Variants in ERC2 observed in about 807,000 individuals in gnomAD.
The protein encoded by ERC2 is ERC protein 2.
Under a neutral mutation model 114.8 loss-of-function variants are expected in ERC2, and 42 were observed. The observed-to-expected ratio is 0.37, with a 90% CI of 0.29 to 0.47. The LOEUF is 0.47. ERC2 is among the 20% of genes least tolerant of loss of function. ERC2 has a pLI of 0.99. For synonymous variants in ERC2, 454 were observed against 425.5 expected (o/e 1.07, Z -0.82); for missense variants, 939 against 1,150.7 (o/e 0.82, Z 2.66).
At chr3:55,901,390 T>C (rs1437392320) in intron 13 of ERC2, among the ~76,000 whole-genome samples, 1 of 152,170 alleles carries the variant, frequency 6.6e-6, no homozygotes, top group African/African-American at 2.4e-5. Flanking sequence ...TGCTTTCTCA[T>C]CTGGAGCAGC....
In ERC2 at chr3:56,259,027, G is replaced by A. The variant is rs142492138; in HGVS notation, c.1074+36992C>T. On this transcript the variant is annotated intron_variant, in intron 3 of 17. Transcript: ENST00000288221. Reference sequence around the variant, plus strand: ...TTGCTCTTGTTGCCCAGGCTGGAGTGCAATGGCATGATCTCGGCTCACAGC... The same window carrying A: ...TTGCTCTTGTTGCCCAGGCTGGAGTACAATGGCATGATCTCGGCTCACAGC... 3.4e-3 allele frequency among the ~76,000 whole-genome samples: 515 copies of A among 149,508 alleles called. 2 individuals are homozygous for A. The highest frequency in any genetic ancestry group is 0.011 in the African/African-American group (462 of 40,582).
intron 16 of ERC2, among the ~76,000 whole-genome samples, chr3:55,686,554 G>A (rs966377501): frequency 2.0e-5 from 3 of 152,152 alleles, no homozygotes; most frequent in Non-Finnish European, 4.4e-5. Context: ...TCACTGCTGC[G>A]CTGCCTGCAT....
At chr3:56,241,824 G>A (rs929787697) in intron 3 of ERC2, among the ~76,000 whole-genome samples, 2 of 152,164 alleles carry the variant, frequency 1.3e-5, no homozygotes, top group Non-Finnish European at 2.9e-5. Context: ...ACATGCTAGA[G>A]CAGGGGTCAA....
chr3:55,994,394 G>A (rs902345347), intron 10 of ERC2, among the ~76,000 whole-genome samples: 1 of 151,908 alleles, frequency 6.6e-6, no homozygotes, highest in Non-Finnish European at 1.5e-5. Flanking sequence ...TTTAATAAGT[G>A]GGTACAGGAT....
intron 14 of ERC2, among the ~76,000 whole-genome samples, chr3:55,866,441 T>C (rs988769367): frequency 1.3e-5 from 2 of 152,212 alleles, no homozygotes; most frequent in African/African-American, 4.8e-5. Flanking sequence ...GATAGTATCG[T>C]TTGTAGCACA....
chr3:55,562,667 G>A (rs1282413382), intron 17 of ERC2, among the ~76,000 whole-genome samples: 1 of 152,132 alleles, frequency 6.6e-6, no homozygotes, highest in East Asian at 1.9e-4. Flanking sequence ...ACCAAGCTCA[G>A]CCAGCCCAAT....
intron 3 of ERC2, among the ~76,000 whole-genome samples, chr3:56,269,139 T>C (rs1279542627): frequency 6.6e-6 from 1 of 152,192 alleles, no homozygotes; most frequent in Non-Finnish European, 1.5e-5. Flanking sequence ...TCCTAACAGC[T>C]TGGAAAAAAT....
In ERC2 at chr3:55,738,347, A is replaced by AT. The variant is rs575565088; in HGVS notation, c.2565-3430dup. Among the ~76,000 whole-genome samples the AT allele has an allele frequency of 4.6e-3, 704 of 152,322 alleles. 2 individuals are homozygous for AT. The highest frequency in any genetic ancestry group is 0.016 in the African/African-American group (667 of 41,592). Reference sequence around the variant, plus strand: ...TTCAAGGTGACAGGATGAATAAGACATTTTTTAACTTTTTTCTGCTTATAC... The same window carrying AT: ...TTCAAGGTGACAGGATGAATAAGACATTTTTTTAACTTTTTTCTGCTTATAC... On this transcript the variant is annotated intron_variant, in intron 14 of 17. Coordinates refer to ENST00000288221, the MANE Select transcript of ERC2 (RefSeq NM_015576.3).
At chr3:55,818,758 C>T (rs550632054) in intron 14 of ERC2, among the ~76,000 whole-genome samples, 74 of 152,332 alleles carry the variant, frequency 4.9e-4, no homozygotes, top group African/African-American at 1.7e-3. Flanking sequence ...GTTAGAAATG[C>T]TTCTTATTTT....
intron 15 of ERC2, among the ~76,000 whole-genome samples, chr3:55,720,474 G>C (rs558160396): frequency 6.6e-6 from 1 of 151,368 alleles, no homozygotes; most frequent in South Asian, 2.1e-4. Flanking sequence ...TTGTGGAAAT[G>C]AGGTCTCACT....
chr3:56,170,604 T>TTTTTTTTGAGGTAGTGTCTG (rs2082603725), intron 4 of ERC2, among the ~76,000 whole-genome samples: 1 of 133,234 alleles, frequency 7.5e-6, no homozygotes, highest in Non-Finnish European at 1.6e-5. Context: ...TTTTTTTTTT[T>TTTTTTTTGAGGTAGTGTCTG]TTTTTTTTTT....
Position 55,573,477 on chromosome 3 carries a change from C to G in ERC2, c.*40-62201G>C, listed in dbSNP as rs560421806. On this transcript the variant is annotated intron_variant, in intron 17 of 17. Coordinates refer to ENST00000288221, the MANE Select transcript of ERC2 (RefSeq NM_015576.3). Reference sequence around the variant, plus strand: ...TGAAGAGCAACAGATGCGAGGGGGGCCAGGATAGTGGGGTCTGCAGCAGCA... The same window carrying G: ...TGAAGAGCAACAGATGCGAGGGGGGGCAGGATAGTGGGGTCTGCAGCAGCA... Among the ~76,000 whole-genome samples, 3 of 152,138 alleles carry G rather than the reference C, an allele frequency of 2.0e-5. No individual in the cohort carries two copies. The South Asian group carries it at 6.2e-4, about 32-fold the overall frequency.
At chr3:55,857,105 T>C (rs1247770571) in intron 14 of ERC2, among the ~76,000 whole-genome samples, 9 of 152,170 alleles carry the variant, frequency 5.9e-5, no homozygotes, top group Admixed American at 5.9e-4. Flanking sequence ...TGGGTTGTAC[T>C]GCAAAATAAA....
chr3:56,414,738 A>G, intron 2 of ERC2, among the ~76,000 whole-genome samples: 1 of 150,740 alleles, frequency 6.6e-6, no homozygotes, highest in African/African-American at 2.4e-5. Flanking sequence ...AAAAAAAAAA[A>G]GAAAAGAAAA....
chr3:56,250,086 G>A (rs1004008659), intron 3 of ERC2, among the ~76,000 whole-genome samples: 1 of 152,016 alleles, frequency 6.6e-6, no homozygotes, highest in African/African-American at 2.4e-5. Flanking sequence ...TTGAACTCCT[G>A]ACCTTGTGAT....
At chr3:56,148,276 C>A (rs2149946807) in intron 5 of ERC2, among the ~76,000 whole-genome samples, 1 of 152,166 alleles carries the variant, frequency 6.6e-6, no homozygotes, top group Admixed American at 6.5e-5. Context: ...ATGCTAAAAC[C>A]AAAATAGCTT....
At chr3:55,550,873 G>A (rs181135627) in intron 17 of ERC2, among the ~76,000 whole-genome samples, 47 of 151,966 alleles carry the variant, frequency 3.1e-4, no homozygotes, top group African/African-American at 7.5e-4. Flanking sequence ...AAAATTAGCC[G>A]GGCGTGGTGG....
At chr3:55,679,886 G>C (rs1161197193) in intron 17 of ERC2, among the ~76,000 whole-genome samples, 2 of 152,138 alleles carry the variant, frequency 1.3e-5, no homozygotes, top group Non-Finnish European at 2.9e-5. Flanking sequence ...CACAGGCCTA[G>C]TGTCCAGACC....
At chr3:56,033,032 G>GAAAGAA (rs2074552588) in intron 7 of ERC2, among the ~76,000 whole-genome samples, 1 of 61,672 alleles carries the variant, frequency 1.6e-5, no homozygotes, top group African/African-American at 5.4e-5. Context: ...AAAAGAAACA[G>GAAAGAA]AAAGAAAGAA....
Sources: gnomAD v4.1 joint callset for allele counts (sites outside exome capture counted in the v4.1 genomes callset) on GRCh38, gnomAD v4.1.1 for gene constraint, MANE v1.5 for transcripts, NCBI Gene and HGNC (gene_info 2026-07-23, HGNC 2026-07-21) for gene names.